Variants in NPTX2 observed in about 807,000 individuals in gnomAD.
NPTX2 encodes the protein neuronal pentraxin-2.
NPTX2 carries 23 observed loss-of-function variants against 38.1 expected under a neutral mutation model. That is an observed-to-expected ratio of 0.60 (90% confidence interval 0.43 to 0.85). The LOEUF is 0.85. Ranked by LOEUF, NPTX2 falls within the 40% of genes least tolerant of loss-of-function variation. The pLI is 0.00. For synonymous variants in NPTX2, 291 were observed against 287.3 expected (o/e 1.01, Z -0.13); for missense variants, 553 against 615.3 (o/e 0.90, Z 1.07).
In NPTX2 at chr7:98,628,453, A is replaced by G. The variant is rs554934642; in HGVS notation, c.1120A>G (p.Ser374Gly). The change falls in exon 5 of 5, where the codon AGC becomes GGC. Residue 374 changes from serine to glycine, a missense_variant. Ser to Gly is a moderately conservative substitution (Grantham distance 56). Transcript: ENST00000265634. ...DATQAFVGEL[S>G]QFNIWDRVLR... Reference sequence around the variant, plus strand: ...CACTCAGGCATTTGTCGGGGAGCTCAGCCAGTTCAACATATGGGACCGCGT... The same window carrying G: ...CACTCAGGCATTTGTCGGGGAGCTCGGCCAGTTCAACATATGGGACCGCGT... The G allele has an allele frequency of 6.2e-6, 10 of 1,612,014 alleles. No individual in the cohort carries two copies. The highest frequency in any genetic ancestry group is 8.5e-6 in the Non-Finnish European group (10 of 1,178,706).
chr7:98,617,864 A>G lies in NPTX2; in HGVS notation c.403A>G (p.Lys135Glu). 6 of 1,557,536 alleles carry G rather than the reference A, an allele frequency of 3.9e-6. No individual in the cohort carries two copies. The highest frequency in any genetic ancestry group is 5.2e-6 in the Non-Finnish European group (6 of 1,160,104). The change falls in exon 1 of 5, where the codon AAG becomes GAG. Residue 135 changes from lysine to glutamate, a missense_variant. By Grantham distance (56) the Lys-to-Glu change is moderately conservative. Coordinates refer to ENST00000265634, the MANE Select transcript of NPTX2 (RefSeq NM_002523.3). ...EQLSRSLQTL[K>E]DRLESLEHQL... ...GCTCAGCCGCTCGCTGCAGACCCTC[A>G]AGGACCGCCTGGAGAGCCTCGAGGT...
In NPTX2 at chr7:98,629,513, G is replaced by A. The variant is rs1791410417; in HGVS notation, c.*884G>A. On this transcript the variant is annotated 3_prime_UTR_variant, in exon 5 of 5. Transcript: ENST00000265634. The stretch of plus-strand genomic sequence containing the variant: ...CCATTTTCTGATGTTCCGCCCCACT[G>A]TGAAGAGTGTGCTCGTTTTAAATTC... 6.6e-6 allele frequency: 1 copy of A among 152,332 alleles called. No individual in the cohort carries two copies. The highest frequency in any genetic ancestry group is 1.5e-5 in the Non-Finnish European group (1 of 67,996). 9.4% of individuals were successfully genotyped at this position (152,332 alleles called of 1,614,324 possible). A position where few individuals can be genotyped will look rare whatever the true frequency, so the allele number is the denominator to read the frequency against.
At position 98,617,491 on chromosome 7, in the gene NPTX2, G is replaced by C; in HGVS notation, c.30G>C (p.Ala10=). The change falls in exon 1 of 5, where the codon GCG becomes GCC. Residue 10 remains alanine, a synonymous_variant. Transcript: ENST00000265634. ...TGGCGCTGCTGGCCGCCAGCGTGGC[G>C]CTCGCCGTGGCCGCTGGGGCCCAGG... MLALLAASV[A]LAVAAGAQDS... 1 of 1,245,844 alleles carries C rather than the reference G, an allele frequency of 8.0e-7. No homozygotes were observed. Among genetic ancestry groups the C allele is most frequent in the Non-Finnish European group, 1.0e-6 (1 of 991,964 alleles). The allele number at this position is 1,245,844 out of a possible 1,614,324, so 77.2% of individuals were successfully genotyped here. A position where few individuals can be genotyped will look rare whatever the true frequency, so the allele number is the denominator to read the frequency against.
rs1173717237 is a variant in NPTX2 at position 98,629,621 on chromosome 7, A to G, written c.*992A>G. ...TCAAGAAAACAGAGATCATTTGGCT[A>G]GAGATTGTCTGAGTGACTCCAAGCT... is the stretch of plus-strand genomic sequence containing the variant. On this transcript the variant is annotated 3_prime_UTR_variant, in exon 5 of 5. Coordinates refer to ENST00000265634, the MANE Select transcript of NPTX2 (RefSeq NM_002523.3). The G allele has an allele frequency of 2.0e-5, 3 of 152,588 alleles. No homozygotes were observed. The East Asian group carries it at 5.8e-4, about 29-fold the overall frequency. The allele number at this position is 152,588 out of a possible 1,614,324, so 9.5% of individuals were successfully genotyped here.
intron 2 of NPTX2, among the ~76,000 whole-genome samples, chr7:98,621,769 A>G (rs1381013953): frequency 6.6e-6 from 1 of 152,202 alleles, no homozygotes; most frequent in Admixed American, 6.5e-5. Context: ...AATCCCTGAC[A>G]TGACCTTGCA....
chr7:98,626,955 G>A (rs1258331178), intron 3 of NPTX2, among the ~76,000 whole-genome samples: 3 of 152,226 alleles, frequency 2.0e-5, no homozygotes, highest in African/African-American at 7.2e-5. Context: ...GCCACGCCAG[G>A]CACCAAGGGT....
In NPTX2 at chr7:98,628,452, C is replaced by T; in HGVS notation, c.1119C>T (p.Leu373=). 1 of 1,611,856 alleles carries T rather than the reference C, an allele frequency of 6.2e-7. No homozygotes were observed. Among genetic ancestry groups the T allele is most frequent in the Non-Finnish European group, 8.5e-7 (1 of 1,178,606 alleles). The part of the protein sequence containing the change: ...FDATQAFVGE[L]SQFNIWDRVL... The stretch of plus-strand genomic sequence containing the variant: ...CCACTCAGGCATTTGTCGGGGAGCT[C>T]AGCCAGTTCAACATATGGGACCGCG... The change falls in exon 5 of 5, where the codon CTC becomes CTT. Residue 373 remains leucine, a synonymous_variant. Transcript: ENST00000265634.
intron 3 of NPTX2, among the ~76,000 whole-genome samples, chr7:98,625,834 G>A (rs1385836917): frequency 1.3e-5 from 2 of 151,880 alleles, no homozygotes; most frequent in Non-Finnish European, 1.5e-5. Context: ...AGACTGCTTG[G>A]TTTTGGCATT....
intron 3 of NPTX2, 72 bp downstream of exon 3, chr7:98,625,238 A>AGCCGTCCTC (rs1791330439): frequency 1.3e-6 from 2 of 1,522,498 alleles, no homozygotes; most frequent in African/African-American, 2.7e-5. Flanking sequence ...CCCCCACCCC[A>AGCCGTCCTC]GCCGTCCTCG....
rs1791399983 is a variant in NPTX2 at position 98,629,046 on chromosome 7, G to A, written c.*417G>A. On this transcript the variant is annotated 3_prime_UTR_variant, in exon 5 of 5. Transcript: ENST00000265634. ...TCATGGCTGTGCAGCCGTCCCGCTG[G>A]AGTGGCCATGTCCCTTGTGCATTGA... 6.1e-6 allele frequency: 1 copy of A among 164,932 alleles called. No homozygotes were observed. The highest frequency in any genetic ancestry group is 1.3e-5 in the Non-Finnish European group (1 of 76,398). 10.2% of individuals were successfully genotyped at this position (164,932 alleles called of 1,614,324 possible). A position where few individuals can be genotyped will look rare whatever the true frequency, so the allele number is the denominator to read the frequency against.
At chr7:98,619,932 G>C in intron 2 of NPTX2, 73 bp downstream of exon 2, 2 of 1,337,782 alleles carry the variant, frequency 1.5e-6, no homozygotes, top group Non-Finnish European at 2.1e-6. Context: ...ATGCGATTCT[G>C]GTTGATGGAC....
At chr7:98,624,136 T>G (rs1791308978) in intron 2 of NPTX2, among the ~76,000 whole-genome samples, 1 of 152,146 alleles carries the variant, frequency 6.6e-6, no homozygotes. Flanking sequence ...TTTATATTTT[T>G]TGTAGAGATG....
intron 2 of NPTX2, among the ~76,000 whole-genome samples, chr7:98,622,077 C>A (rs968318069): frequency 1.3e-5 from 2 of 152,214 alleles, no homozygotes; most frequent in African/African-American, 4.8e-5. Context: ...GAGTCCAGGC[C>A]AGCTGTCCAG....
intron 1 of NPTX2, among the ~76,000 whole-genome samples, chr7:98,618,569 T>TCCCCCCCCCCCCC (rs145792464): frequency 6.6e-5 from 2 of 30,094 alleles, no homozygotes; most frequent in Non-Finnish European, 1.2e-4. Context: ...TCTCTCTCTC[T>TCCCCCCCCCCCCC]CCCCCCCTCC....
At position 98,628,461 on chromosome 7, in the gene NPTX2, C is replaced by A; in HGVS notation, c.1128C>A (p.Phe376Leu). 6.2e-7 allele frequency: 1 copy of A among 1,612,144 alleles called. No homozygotes were observed. The highest frequency in any genetic ancestry group is 8.5e-7 in the Non-Finnish European group (1 of 1,178,740). The change falls in exon 5 of 5, where the codon TTC becomes TTA. Residue 376 changes from phenylalanine to leucine, a missense_variant. Physicochemically the swap from Phe to Leu is conservative, Grantham distance 22 (BLOSUM62 0). Transcript: ENST00000265634. ...TQAFVGELSQ[F>L]NIWDRVLRAQ... ...CATTTGTCGGGGAGCTCAGCCAGTT[C>A]AACATATGGGACCGCGTCCTTCGCG...
At position 98,625,129 on chromosome 7, in the gene NPTX2, G is replaced by A; in HGVS notation, c.851G>A (p.Trp284Ter). 1 of 1,607,498 alleles carries A rather than the reference G, an allele frequency of 6.2e-7. No individual in the cohort carries two copies. Among genetic ancestry groups the A allele is most frequent in the Non-Finnish European group, 8.5e-7 (1 of 1,176,232 alleles). ...GCCAACGAGATCGTGCTGATCGAGT[G>A]GGGCAACAACCCCATCGAGCTGCTC... ...GQANEIVLIE[W>*]GNNPIELLIN... Residue 284 changes from tryptophan to a stop codon, truncating the protein, a stop_gained, in exon 3 of 5, where the codon TGG becomes TAG. Transcript: ENST00000265634. LOFTEE classifies it high-confidence loss of function.
intron 4 of NPTX2, among the ~76,000 whole-genome samples, chr7:98,627,858 T>A (rs969029394): frequency 2.6e-5 from 4 of 152,060 alleles, no homozygotes; most frequent in East Asian, 1.9e-4. Flanking sequence ...ACTTAGGTAA[T>A]CCATAGTGGG....
intron 3 of NPTX2, 36 bp downstream of exon 3, chr7:98,625,202 C>A: frequency 1.9e-6 from 3 of 1,553,352 alleles, no homozygotes; most frequent in Non-Finnish European, 8.7e-7. Context: ...TCCCCAGAAC[C>A]CATCATGTGG....
chr7:98,621,997 C>T lies in NPTX2; in HGVS notation c.643+2138C>T, dbSNP rs138703411. ...GCCTGACCCCTGGCATATGGATGCC[C>T]CTGCCACCCGGGGCCCAGGGTTGCT... is the stretch of plus-strand genomic sequence containing the variant. On this transcript the variant is annotated intron_variant, in intron 2 of 4. Transcript: ENST00000265634. Among the ~76,000 whole-genome samples the T allele has an allele frequency of 6.6e-5, 10 of 152,306 alleles. No homozygotes were observed. In the East Asian group the frequency reaches 1.5e-3, roughly 24 times the overall value.
Sources: allele counts gnomAD v4.1 joint callset (sites outside exome capture counted in the v4.1 genomes callset), GRCh38; gene constraint gnomAD v4.1.1; transcripts MANE v1.5; gene names NCBI Gene and HGNC (gene_info 2026-07-23, HGNC 2026-07-21).